The following ZCCHC4 variants were observed in gnomAD, a reference collection of about 807,000 sequenced individuals.
ZCCHC4 encodes the protein rRNA N(6)-adenosine-methyltransferase ZCCHC4.
In ZCCHC4, 54 loss-of-function variants were observed where a neutral mutation model predicts 67.7. The ratio of observed to expected loss-of-function variants is 0.80; its 90% CI spans 0.64 to 1.00. ZCCHC4 has a LOEUF of 1.00. ZCCHC4 is among the 50% of genes least tolerant of loss of function. The pLI is 0.00. For synonymous variants in ZCCHC4, 198 were observed against 213.5 expected, an observed-to-expected ratio of 0.93 and a Z score of 0.63; for missense variants, 609 against 617.0, an observed-to-expected ratio of 0.99 and a Z score of 0.14.
chr4:25,344,471 G>C (rs1318575936), intron 5 of ZCCHC4, among the ~76,000 whole-genome samples: 4 of 118,374 alleles, frequency 3.4e-5, no homozygotes, highest in African/African-American at 1.2e-4. Context: ...GTGGGGTGGG[G>C]GGAGGGGGGA....
chr4:25,369,292 C>G lies in ZCCHC4; in HGVS notation c.*128C>G. ...GCACCTTTCTGAGCTAGATAACAGG[C>G]AGGTGGCATTTGCTGGTTTACAGTC... On this transcript the variant is annotated 3_prime_UTR_variant, in exon 13 of 13. Transcript: ENST00000302874. 7.4e-7 allele frequency: 1 copy of G among 1,343,816 alleles called. No homozygotes were observed. The highest frequency in any genetic ancestry group is 1.5e-5 in the African/African-American group (1 of 66,558). The allele number at this position is 1,343,816 out of a possible 1,614,324, so 83.2% of individuals were successfully genotyped here.
intron 8 of ZCCHC4, among the ~76,000 whole-genome samples, chr4:25,356,322 C>G (rs1194122213): frequency 1.3e-5 from 2 of 152,126 alleles, no homozygotes; most frequent in Non-Finnish European, 2.9e-5. Context: ...ACAGCACTTC[C>G]ATAGGAGGTT....
At chr4:25,313,951 C>CA (rs1194088047) in intron 1 of ZCCHC4, 95 bp from the exon 2 acceptor site, 1 of 750,494 alleles carries the variant, frequency 1.3e-6, no homozygotes, top group Admixed American at 2.4e-5. Flanking sequence ...GCCTAAAGCT[C>CA]AAACAAATTT....
intron 12 of ZCCHC4, among the ~76,000 whole-genome samples, chr4:25,368,382 A>G (rs1377201691): frequency 6.6e-6 from 1 of 152,162 alleles, no homozygotes; most frequent in Non-Finnish European, 1.5e-5. Context: ...AGTGTGGAGA[A>G]CACCAGAAAC....
At chr4:25,368,554 G>A (rs547296697) in intron 12 of ZCCHC4, among the ~76,000 whole-genome samples, 3 of 152,250 alleles carry the variant, frequency 2.0e-5, no homozygotes, top group East Asian at 1.9e-4. Context: ...AAATCTGTAC[G>A]ACTTAGGAAA....
At chr4:25,357,143 A>G (rs1280123702) in intron 8 of ZCCHC4, among the ~76,000 whole-genome samples, 2 of 152,234 alleles carry the variant, frequency 1.3e-5, no homozygotes, top group Admixed American at 1.3e-4. Context: ...CTCTGAAGCA[A>G]TAAAGGATAA....
chr4:25,325,105 A>T (rs980296845), intron 3 of ZCCHC4, among the ~76,000 whole-genome samples: 9 of 134,098 alleles, frequency 6.7e-5, no homozygotes, highest in Non-Finnish European at 1.4e-4. Flanking sequence ...TAGCCGGGCG[A>T]GGTAGTGGGC....
intron 3 of ZCCHC4, among the ~76,000 whole-genome samples, chr4:25,317,166 C>A (rs1718304108): frequency 6.6e-6 from 1 of 152,082 alleles, no homozygotes; most frequent in East Asian, 1.9e-4. Context: ...ATGGCAGCTC[C>A]TTCATTTTAC....
chr4:25,342,813 T>C (rs1719818374), intron 5 of ZCCHC4, among the ~76,000 whole-genome samples: 1 of 152,220 alleles, frequency 6.6e-6, no homozygotes, highest in African/African-American at 2.4e-5. Flanking sequence ...ATAATTATGC[T>C]CTCAAATTAT....
In ZCCHC4 at chr4:25,317,710, A is replaced by AG. The variant is rs1354801253; in HGVS notation, c.329+2310_329+2311insG. Among the ~76,000 whole-genome samples the AG allele has an allele frequency of 5.9e-3, 861 of 145,570 alleles. 9 individuals carry two copies. The highest frequency in any genetic ancestry group is 0.02 in the African/African-American group (809 of 40,656). The stretch of plus-strand genomic sequence containing the variant: ...ACAGAGTGAGACGCTGTCACAAAAA[A>AG]AAAAAAAAAAAAAAAAGAAAGAAAA... On this transcript the variant is annotated intron_variant, in intron 3 of 12. Coordinates refer to ENST00000302874, the MANE Select transcript of ZCCHC4 (RefSeq NM_024936.3).
chr4:25,325,923 GA>G (rs1055991906), intron 3 of ZCCHC4, among the ~76,000 whole-genome samples: 5 of 150,708 alleles, frequency 3.3e-5, no homozygotes, highest in East Asian at 1.9e-4. Flanking sequence ...GGATTAGAGA[GA>G]AAAAAAAATA....
At position 25,333,305 on chromosome 4, in the gene ZCCHC4, T is replaced by C; in HGVS notation, c.452T>C (p.Ile151Thr). The change falls in exon 4 of 13, where the codon ATT (isoleucine) becomes ACT (threonine). Residue 151 changes from isoleucine to threonine, a missense_variant. Transcript: ENST00000302874. ...SEHQVLGNVSITQLRRPSQLL... is the reference protein window; with the variant it reads ...SEHQVLGNVSTTQLRRPSQLL... ...CATCAGGTTCTGGGTAATGTGTCCA[T>C]TACCCAGTTAAGAAGGCCCAGTCAA... The C allele has an allele frequency of 1.2e-6, 2 of 1,614,124 alleles. No homozygotes were observed. The highest frequency in any genetic ancestry group is 1.7e-6 in the Non-Finnish European group (2 of 1,180,012).
chr4:25,327,558 T>C (rs1718956311), intron 3 of ZCCHC4, among the ~76,000 whole-genome samples: 1 of 152,026 alleles, frequency 6.6e-6, no homozygotes, highest in Non-Finnish European at 1.5e-5. Context: ...TGGCTCACTG[T>C]AGACTCTACC....
intron 5 of ZCCHC4, among the ~76,000 whole-genome samples, chr4:25,343,607 A>G (rs1365552702): frequency 6.6e-6 from 1 of 152,208 alleles, no homozygotes; most frequent in East Asian, 1.9e-4. Context: ...TTTACGGATG[A>G]AGAAACTGAG....
chr4:25,351,392 G>A (rs1033353288), intron 7 of ZCCHC4, among the ~76,000 whole-genome samples, 197 bp from the exon 8 acceptor site: 1 of 152,066 alleles, frequency 6.6e-6, no homozygotes, highest in Non-Finnish European at 1.5e-5. Context: ...GCTATATTTC[G>A]ATATAAAGGA....
intron 3 of ZCCHC4, among the ~76,000 whole-genome samples, chr4:25,329,120 A>G (rs925296497): frequency 6.6e-6 from 1 of 152,018 alleles, no homozygotes; most frequent in Non-Finnish European, 1.5e-5. Context: ...CTGGGAGGTC[A>G]AGGCTGCAGT....
rs182283990 is a variant in ZCCHC4, at chr4:25,361,715, C to T, written c.1012-144C>T. 4.0e-4 allele frequency: 319 copies of T among 803,290 alleles called. 1 individual carries two copies. Among genetic ancestry groups the T allele is most frequent in the Admixed American group, 2.2e-3 (77 of 35,710 alleles). 49.8% of individuals were successfully genotyped at this position (803,290 alleles called of 1,614,324 possible). ...TGGTCCACCCACTCCCCTCAGTCCTCAGCTTGGACTGGAACCTGACACTTG... is the reference window on the plus strand; with the variant it reads ...TGGTCCACCCACTCCCCTCAGTCCTTAGCTTGGACTGGAACCTGACACTTG... On this transcript the variant is annotated intron_variant, in intron 8 of 12. Coordinates refer to ENST00000302874, the MANE Select transcript of ZCCHC4 (RefSeq NM_024936.3).
At chr4:25,313,768 AG>A (rs1467884987) in intron 1 of ZCCHC4, among the ~76,000 whole-genome samples, 64 of 152,270 alleles carry the variant, frequency 4.2e-4, no homozygotes, top group Non-Finnish European at 4.3e-4. Flanking sequence ...CGGGATGCTG[AG>A]GCGGGAGAAT....
chr4:25,346,393 C>T (rs1469547373), intron 6 of ZCCHC4, among the ~76,000 whole-genome samples: 2 of 152,126 alleles, frequency 1.3e-5, no homozygotes, highest in South Asian at 4.1e-4. Flanking sequence ...CAAGTAATCA[C>T]GCTGGCCAAA....
Sources: allele counts gnomAD v4.1 joint callset (sites outside exome capture counted in the v4.1 genomes callset), GRCh38; gene constraint gnomAD v4.1.1; transcripts MANE v1.5; gene names NCBI Gene and HGNC (gene_info 2026-07-23, HGNC 2026-07-21).